VPS26B: variants seen among roughly 807,000 people sequenced by gnomAD.
VPS26B encodes the protein VPS26 retromer complex component B.
A neutral mutation model predicts 33.3 loss-of-function variants in VPS26B; 10 were observed. That is an observed-to-expected ratio of 0.30 (90% confidence interval 0.19 to 0.51). The LOEUF (loss-of-function observed/expected upper bound fraction) is 0.51. VPS26B is among the 20% of genes least tolerant of loss of function. The pLI is 0.98. For synonymous variants in VPS26B, 190 were observed against 176.9 expected, an observed-to-expected ratio of 1.07 and a Z score of -0.59; for missense variants, 317 against 452.7, an observed-to-expected ratio of 0.70 and a Z score of 2.72.
Position 134,245,317 on chromosome 11 carries a change from C to G in VPS26B, c.865-127C>G. The G allele has an allele frequency of 7.0e-7, 1 of 1,431,644 alleles. No homozygotes were observed. The highest frequency in any genetic ancestry group is 2.4e-5 in the East Asian group (1 of 41,388). 88.7% of individuals were successfully genotyped at this position (1,431,644 alleles called of 1,614,324 possible). On this transcript the variant is annotated intron_variant, in intron 5 of 5. Coordinates refer to ENST00000281187, the MANE Select transcript of VPS26B (RefSeq NM_052875.5). The surrounding 1 kb of genome is among the most constrained non-coding windows in gnomAD (Gnocchi z 4.7). ...ACAGGGAGGTGCTGGCAGCTGCTGCCTTTGGTGAGAGAGAAGCAGAGGAGG... is the reference window on the plus strand; with the variant it reads ...ACAGGGAGGTGCTGGCAGCTGCTGCGTTTGGTGAGAGAGAAGCAGAGGAGG...
intron 2 of VPS26B, 128 bp from the exon 3 acceptor site, chr11:134,239,863 G>A: frequency 2.0e-6 from 2 of 986,762 alleles, no homozygotes; most frequent in Non-Finnish European, 3.1e-6. Context: ...CTTCTTAAAA[G>A]GATACAAAGC....
chr11:134,236,157 A>T (rs926391259), intron 2 of VPS26B, among the ~76,000 whole-genome samples: 47 of 151,938 alleles, frequency 3.1e-4, no homozygotes, highest in African/African-American at 9.2e-4. Context: ...GAAAAAAAAA[A>T]ATTTTTTTAA....
In VPS26B at chr11:134,234,940, G is replaced by T. The variant is rs145619719; in HGVS notation, c.267G>T (p.Leu89=). ...DRGNHHEFVS[L]VKDLARPGEI... ...GGAACCACCATGAGTTTGTGTCCCT[G>T]GTGAAGGACCTGGCCCGGCCTGGAG... Residue 89 remains leucine (L), a synonymous_variant, in exon 2 of 6, where the codon CTG becomes CTT. Transcript: ENST00000281187. 34 of 1,614,152 alleles carry T rather than the reference G, an allele frequency of 2.1e-5. No individual in the cohort carries two copies. The African/African-American group carries it at 4.1e-4, about 20-fold the overall frequency.
At position 134,238,846 on chromosome 11, in the gene VPS26B, C is replaced by T. The variant is rs1406567674; in HGVS notation, c.381-1145C>T. Among the ~76,000 whole-genome samples the T allele has an allele frequency of 2.0e-5, 3 of 152,176 alleles. 1 individual carries two copies. The highest frequency in any genetic ancestry group is 2.0e-4 in the Admixed American group (3 of 15,276). The stretch of plus-strand genomic sequence containing the variant: ...TCCTGACCTCGTGATCCGCCCGCCT[C>T]TGCCTCCCAAAGTGCTGGGATTACA... On this transcript the variant is annotated intron_variant, in intron 2 of 5. Coordinates refer to ENST00000281187, the MANE Select transcript of VPS26B (RefSeq NM_052875.5).
intron 2 of VPS26B, 90 bp downstream of exon 2, chr11:134,235,143 A>C: frequency 6.8e-7 from 1 of 1,468,064 alleles, no homozygotes; most frequent in Non-Finnish European, 9.2e-7. Flanking sequence ...GAGAATCTTC[A>C]CAGGGATCCC....
Position 134,224,859 on chromosome 11 carries a change from G to C in VPS26B, c.-264G>C, listed in dbSNP as rs1938404083. On this transcript the variant is annotated 5_prime_UTR_variant, in exon 1 of 6. Coordinates refer to ENST00000281187, the MANE Select transcript of VPS26B (RefSeq NM_052875.5). ...CCGGCCGCGGGACTGGCTGGGACTG[G>C]CTCGGCCGAGGGCACTGCTCCTCGG... 1 of 164,712 alleles carries C rather than the reference G, an allele frequency of 6.1e-6. No homozygotes were observed. The highest frequency in any genetic ancestry group is 2.0e-4 in the South Asian group (1 of 4,988). The allele number at this position is 164,712 out of a possible 1,614,324, so 10.2% of individuals were successfully genotyped here.
intron 1 of VPS26B, among the ~76,000 whole-genome samples, chr11:134,233,319 A>G (rs1938584080): frequency 6.6e-6 from 1 of 152,184 alleles, no homozygotes; most frequent in Non-Finnish European, 1.5e-5. Flanking sequence ...TGTGTTCCCA[A>G]TTCATCTGCC....
chr11:134,243,481 G>C (rs1938764606), intron 4 of VPS26B, 187 bp downstream of exon 4: 1 of 664,466 alleles, frequency 1.5e-6, no homozygotes. Flanking sequence ...TGTAGAACTT[G>C]AGGCTACTAT....
chr11:134,244,395 A>G lies in VPS26B; in HGVS notation c.722-543A>G, dbSNP rs946734712. 2 of 152,462 alleles carry G rather than the reference A, an allele frequency of 1.3e-5. No homozygotes were observed. The highest frequency in any genetic ancestry group is 1.3e-4 in the Admixed American group (2 of 15,290). The allele number at this position is 152,462 out of a possible 1,614,324, so 9.4% of individuals were successfully genotyped here. A position where few individuals can be genotyped will look rare whatever the true frequency, so the allele number is the denominator to read the frequency against. On this transcript the variant is annotated intron_variant, in intron 4 of 5. Coordinates refer to ENST00000281187, the MANE Select transcript of VPS26B (RefSeq NM_052875.5). This position sits in a 1 kb window ranked among gnomAD's most constrained non-coding sequence, Gnocchi z 4.0. Reference sequence around the variant, plus strand: ...GCAGTCCGATTCTCTAATTTTCCACATGAGAAAATGAAGGTCCAGAGGAAG... The same window carrying G: ...GCAGTCCGATTCTCTAATTTTCCACGTGAGAAAATGAAGGTCCAGAGGAAG...
rs1397074210 is a variant in VPS26B, at chr11:134,244,277, T to A, written c.722-661T>A. On this transcript the variant is annotated intron_variant, in intron 4 of 5. Transcript: ENST00000281187. This position sits in a 1 kb window ranked among gnomAD's most constrained non-coding sequence, Gnocchi z 4.0. Reference sequence around the variant, plus strand: ...TTTAGCTTTAGACCACATTATAGGTTTGGCCTTTCTTGGTAGAATTACTGC... The same window carrying A: ...TTTAGCTTTAGACCACATTATAGGTATGGCCTTTCTTGGTAGAATTACTGC... 6.6e-6 allele frequency: 1 copy of A among 152,280 alleles called. No homozygotes were observed. The highest frequency in any genetic ancestry group is 1.5e-5 in the Non-Finnish European group (1 of 68,072). The allele number at this position is 152,280 out of a possible 1,614,324, so 9.4% of individuals were successfully genotyped here.
chr11:134,225,024 G>T lies in VPS26B; in HGVS notation c.-99G>T. 5 of 1,166,240 alleles carry T rather than the reference G, an allele frequency of 4.3e-6. No homozygotes were observed. Among genetic ancestry groups the T allele is most frequent in the Non-Finnish European group, 5.6e-6 (5 of 894,538 alleles). The allele number at this position is 1,166,240 out of a possible 1,614,324, so 72.2% of individuals were successfully genotyped here. A position where few individuals can be genotyped will look rare whatever the true frequency, so the allele number is the denominator to read the frequency against. On this transcript the variant is annotated 5_prime_UTR_variant, in exon 1 of 6. Transcript: ENST00000281187. ...AGGCAGCCCCGCGGCGGCCGAGCGC[G>T]CTCGCGCATCGGGCCCTCTGGCCTT...
chr11:134,226,330 C>G (rs1424506032), intron 1 of VPS26B, among the ~76,000 whole-genome samples: 1 of 152,082 alleles, frequency 6.6e-6, no homozygotes, highest in Non-Finnish European at 1.5e-5. Context: ...TGTTTGAACC[C>G]AGGAGTTCCA....
At chr11:134,231,368 T>G (rs941840793) in intron 1 of VPS26B, among the ~76,000 whole-genome samples, 1 of 152,222 alleles carries the variant, frequency 6.6e-6, no homozygotes, top group Non-Finnish European at 1.5e-5. Context: ...GTGGATTGAT[T>G]CTGGCCTACT....
chr11:134,230,030 A>T (rs1464700223), intron 1 of VPS26B, among the ~76,000 whole-genome samples: 1 of 151,844 alleles, frequency 6.6e-6, no homozygotes, highest in Non-Finnish European at 1.5e-5. Flanking sequence ...CCAAGCTCTT[A>T]CTCCTTCAAA....
chr11:134,236,187 A>C (rs558255393), intron 2 of VPS26B, among the ~76,000 whole-genome samples: 4 of 152,270 alleles, frequency 2.6e-5, no homozygotes, highest in South Asian at 4.1e-4. Context: ...AAGAAAAAAA[A>C]CAAATCTTTG....
At position 134,224,979 on chromosome 11, in the gene VPS26B, C is replaced by G. The variant is rs1377965076; in HGVS notation, c.-144C>G. 8.2e-6 allele frequency: 5 copies of G among 612,666 alleles called. No homozygotes were observed. In the African/African-American group the frequency reaches 9.8e-5, roughly 12 times the overall value. The allele number at this position is 612,666 out of a possible 1,614,324, so 38.0% of individuals were successfully genotyped here. On this transcript the variant is annotated 5_prime_UTR_variant, in exon 1 of 6. Transcript: ENST00000281187. ...CCGGCTGTCCGTCGGCGCCCACTGC[C>G]CGGCGGCAGCGGCGGAGCCAGGCAG...
chr11:134,231,178 G>T (rs1938550471), intron 1 of VPS26B, among the ~76,000 whole-genome samples: 2 of 152,004 alleles, frequency 1.3e-5, no homozygotes, highest in African/African-American at 2.4e-5. Context: ...GCGGAGGAGG[G>T]CAGACAGGAA....
chr11:134,229,086 G>A (rs984193909), intron 1 of VPS26B, among the ~76,000 whole-genome samples: 2 of 152,128 alleles, frequency 1.3e-5, no homozygotes, highest in African/African-American at 4.8e-5. Flanking sequence ...CTAGAGTGCA[G>A]TGCCACGATC....
chr11:134,238,895 A>T (rs993726702), intron 2 of VPS26B, among the ~76,000 whole-genome samples: 4 of 152,200 alleles, frequency 2.6e-5, no homozygotes, highest in Non-Finnish European at 4.4e-5. Context: ...GCGCCTGGCC[A>T]TATCTTTATA....
Sources: gnomAD v4.1 joint callset for allele counts (sites outside exome capture counted in the v4.1 genomes callset) on GRCh38, gnomAD v4.1.1 for gene constraint, Gnocchi (gnomAD v3.1) non-coding constraint, MANE v1.5 for transcripts, NCBI Gene and HGNC (gene_info 2026-07-23, HGNC 2026-07-21) for gene names.